Variants in CLIP2 observed in about 807,000 individuals in gnomAD.
The protein encoded by CLIP2 is CAP-Gly domain-containing linker protein 2.
A neutral mutation model predicts 111.7 loss-of-function variants in CLIP2; 41 were observed. The observed-to-expected ratio is 0.37, with a 90% confidence interval of 0.29 to 0.48. The LOEUF is 0.48. Ranked by LOEUF, CLIP2 falls within the 20% of genes least tolerant of loss-of-function variation. The pLI is 0.99. For missense variants in CLIP2, 1,160 were observed against 1,422.1 expected (o/e 0.82, Z 2.96); for synonymous variants, 660 against 644.2 (o/e 1.02, Z -0.37).
At chr7:74,399,847 CT>C (rs1285650728) in intron 14 of CLIP2, among the ~76,000 whole-genome samples, 1 of 150,468 alleles carries the variant, frequency 6.6e-6, no homozygotes, top group African/African-American at 2.4e-5. Context: ...GTCTCTGTCT[CT>C]TTTTTTAATT....
chr7:74,404,055 A>T lies in CLIP2; in HGVS notation c.*207A>T. The T allele has an allele frequency of 1.6e-6, 1 of 623,640 alleles. No individual in the cohort carries two copies. The highest frequency in any genetic ancestry group is 2.9e-6 in the Non-Finnish European group (1 of 342,674). 38.6% of individuals were successfully genotyped at this position (623,640 alleles called of 1,614,324 possible). A position where few individuals can be genotyped will look rare whatever the true frequency, so the allele number is the denominator to read the frequency against. On this transcript the variant is annotated 3_prime_UTR_variant, in exon 17 of 17. Transcript: ENST00000223398. ...TCCTCAAGCCCAGCCTTCTACAGAG[A>T]GTGTGAACGGTACAGCCCCGGCCTG... is the stretch of plus-strand genomic sequence containing the variant.
chr7:74,388,192 C>T (rs1184369483), intron 12 of CLIP2, among the ~76,000 whole-genome samples: 5 of 151,994 alleles, frequency 3.3e-5, no homozygotes, highest in Non-Finnish European at 5.9e-5. Flanking sequence ...ATTAGCTGAG[C>T]GTGGTAGCGT....
intron 1 of CLIP2, among the ~76,000 whole-genome samples, chr7:74,300,791 G>A (rs996756774): frequency 6.6e-6 from 1 of 152,122 alleles, no homozygotes; most frequent in Non-Finnish European, 1.5e-5. Flanking sequence ...GTGGCATTCC[G>A]TGGTAGACAT....
chr7:74,354,961 C>T (rs903976097), intron 4 of CLIP2, among the ~76,000 whole-genome samples: 7 of 151,910 alleles, frequency 4.6e-5, no homozygotes, highest in Non-Finnish European at 8.8e-5. Flanking sequence ...TGACTGCTGG[C>T]GTTGCTGGGT....
intron 13 of CLIP2, among the ~76,000 whole-genome samples, chr7:74,395,017 T>G (rs1352344483): frequency 6.6e-6 from 1 of 152,224 alleles, no homozygotes; most frequent in Admixed American, 6.5e-5. Flanking sequence ...ATTTTCCCTG[T>G]CATCTGAAGC....
intron 2 of CLIP2, among the ~76,000 whole-genome samples, chr7:74,319,825 AGAG>A (rs1788895138): frequency 3.6e-5 from 1 of 27,940 alleles, no homozygotes; most frequent in Non-Finnish European, 1.7e-4. Flanking sequence ...TAAAAAAAAA[AGAG>A]AGAGAGAAAG....
At position 74,376,002 on chromosome 7, in the gene CLIP2, C is replaced by T. The variant is rs782711089; in HGVS notation, c.1601C>T (p.Pro534Leu). 25 of 1,612,036 alleles carry T rather than the reference C, an allele frequency of 1.6e-5. No individual in the cohort carries two copies. In the East Asian group the frequency reaches 2.5e-4, roughly 16 times the overall value. Residue 534 changes from proline (P) to leucine (L), a missense_variant, in exon 10 of 17, where the codon CCG becomes CTG. This residue lies in a region of CLIP2 where 676 missense variants were observed against 777.8 expected (regional missense o/e 0.87). Transcript: ENST00000223398. This position sits in a 1 kb window ranked among gnomAD's most constrained non-coding sequence, Gnocchi z 7.1. ...CTGTTGCACTCGGGTCCCCCACCTC[C>T]GGACCACCCAGACGCCGCCGAGATC... Reference protein sequence around the residue: ...QCLLHSGPPPPDHPDAAEILR... With the variant: ...QCLLHSGPPPLDHPDAAEILR...
intron 2 of CLIP2, among the ~76,000 whole-genome samples, chr7:74,319,814 C>T (rs1355717913): frequency 5.2e-5 from 5 of 96,784 alleles, no homozygotes; most frequent in Non-Finnish European, 1.4e-4. Flanking sequence ...GAGTGAGACC[C>T]TAAAAAAAAA....
At chr7:74,377,952 A>G (rs985011661) in intron 10 of CLIP2, among the ~76,000 whole-genome samples, 12 of 151,750 alleles carry the variant, frequency 7.9e-5, no homozygotes, top group Admixed American at 7.9e-4. Flanking sequence ...CAGCCTCCCA[A>G]GTAGCTGCAA....
At chr7:74,303,079 C>A (rs1554727081) in intron 1 of CLIP2, among the ~76,000 whole-genome samples, 1 of 152,130 alleles carries the variant, frequency 6.6e-6, no homozygotes, top group Non-Finnish European at 1.5e-5. Context: ...ATCAGCTCTC[C>A]CAGGCCTGAG....
intron 1 of CLIP2, among the ~76,000 whole-genome samples, chr7:74,292,393 C>G (rs1190492337): frequency 6.6e-6 from 1 of 152,070 alleles, no homozygotes; most frequent in African/African-American, 2.4e-5. Context: ...GAGAATTGTT[C>G]TGAGCTTTTT....
At position 74,376,522 on chromosome 7, in the gene CLIP2, G is replaced by T. The variant is rs1349939816; in HGVS notation, c.2121G>T (p.Leu707=). Residue 707 remains leucine (L), a synonymous_variant, in exon 10 of 17, where the codon CTG becomes CTT. Coordinates refer to ENST00000223398, the MANE Select transcript of CLIP2 (RefSeq NM_003388.5). This position sits in a 1 kb window ranked among gnomAD's most constrained non-coding sequence, Gnocchi z 7.1. ...AGLQRHWRAQ[L]EVQASQHRLE... ...TGCAGCGGCACTGGCGGGCCCAGCT[G>T]GAGGTGCAAGCCAGCCAGCACCGGC... is the stretch of plus-strand genomic sequence containing the variant. 3.1e-6 allele frequency: 5 copies of T among 1,603,170 alleles called. No homozygotes were observed. The highest frequency in any genetic ancestry group is 4.3e-6 in the Non-Finnish European group (5 of 1,176,202).
intron 13 of CLIP2, among the ~76,000 whole-genome samples, chr7:74,395,555 G>A (rs1417809012): frequency 2.6e-5 from 4 of 152,150 alleles, no homozygotes; most frequent in African/African-American, 9.7e-5. Context: ...GCCTCCCAAA[G>A]TGCTGGGATT....
At position 74,352,442 on chromosome 7, in the gene CLIP2, A is replaced by G. The variant is rs547506844; in HGVS notation, c.679-1438A>G. 7.2e-5 allele frequency among the ~76,000 whole-genome samples: 11 copies of G among 152,110 alleles called. No homozygotes were observed. In the South Asian group the frequency reaches 1.7e-3, roughly 23 times the overall value. On this transcript the variant is annotated intron_variant, in intron 3 of 16. Transcript: ENST00000223398. ...ACAGAGTGAGACTCTGTCTTAAAAC[A>G]AAAACAAAAACAAAAAAAACACTAG... is the stretch of plus-strand genomic sequence containing the variant.
chr7:74,396,794 T>G (rs1791461042), intron 13 of CLIP2, among the ~76,000 whole-genome samples: 1 of 152,162 alleles, frequency 6.6e-6, no homozygotes, highest in African/African-American at 2.4e-5. Context: ...GTGCTGGGAT[T>G]ACAGGCGTGA....
intron 2 of CLIP2, among the ~76,000 whole-genome samples, chr7:74,332,585 A>G (rs1178159585): frequency 2.7e-5 from 4 of 150,196 alleles, no homozygotes; most frequent in African/African-American, 9.8e-5. Context: ...GGCACAAACC[A>G]CCATGCCCAA....
chr7:74,387,022 CA>C (rs35422612), intron 12 of CLIP2, among the ~76,000 whole-genome samples: 4,197 of 70,038 alleles, frequency 0.06, 240 homozygotes, highest in East Asian at 0.47. Flanking sequence ...GACTCCATCT[CA>C]AAAAAAAAAA....
chr7:74,319,057 T>C (rs1304666513), intron 2 of CLIP2, among the ~76,000 whole-genome samples: 1 of 152,102 alleles, frequency 6.6e-6, no homozygotes, highest in Non-Finnish European at 1.5e-5. Flanking sequence ...CAGTGCAGCC[T>C]TGTGAAGGCC....
chr7:74,399,992 A>C (rs1791574260), intron 14 of CLIP2, among the ~76,000 whole-genome samples: 1 of 151,616 alleles, frequency 6.6e-6, no homozygotes, highest in South Asian at 2.1e-4. Flanking sequence ...GTCTCTACTA[A>C]AAATAGGAAA....
Sources: allele counts gnomAD v4.1 joint callset (sites outside exome capture counted in the v4.1 genomes callset), GRCh38; gene constraint gnomAD v4.1.1; regional missense constraint gnomAD v4.1.1; non-coding constraint Gnocchi (gnomAD v3.1); transcripts MANE v1.5; gene names NCBI Gene and HGNC (gene_info 2026-07-23, HGNC 2026-07-21).